Variants in FBRSL1 observed in about 807,000 individuals in gnomAD.
The protein encoded by FBRSL1 is fibrosin-1-like protein.
FBRSL1 carries 51 observed loss-of-function variants against 89.6 expected under a neutral mutation model. That is an observed-to-expected ratio of 0.57 (90% CI 0.45 to 0.72). FBRSL1 has a LOEUF of 0.72. Ranked by LOEUF, FBRSL1 falls within the 30% of genes least tolerant of loss-of-function variation. FBRSL1 has a pLI of 0.00. For synonymous variants in FBRSL1, 779 were observed against 681.1 expected, an observed-to-expected ratio of 1.14 and a Z score of -2.24; for missense variants, 1,618 against 1,451.8, an observed-to-expected ratio of 1.11 and a Z score of -1.86.
At position 132,582,205 on chromosome 12, in the gene FBRSL1, C is replaced by G. The variant is rs377219038; in HGVS notation, c.2140C>G (p.Arg714Gly). Residue 714 changes from arginine (R) to glycine (G), a missense_variant, in exon 18 of 19, where the codon CGG (arginine) becomes GGG (glycine). Transcript: ENST00000680143. The stretch of plus-strand genomic sequence containing the variant: ...GTGGCCCAAGTCCGTGGACGCGGAG[C>G]GGGTGTCAGCCCTGACCAACCATGA... ...PPWPKSVDAE[R>G]VSALTNHDRE... 7 of 1,550,170 alleles carry G rather than the reference C, an allele frequency of 4.5e-6. No individual in the cohort carries two copies. The highest frequency in any genetic ancestry group is 4.9e-5 in the East Asian group (2 of 40,900).
At position 132,583,706 on chromosome 12, in the gene FBRSL1, G is replaced by C; in HGVS notation, c.2937G>C (p.Leu979=). 1 of 1,195,520 alleles carries C rather than the reference G, an allele frequency of 8.4e-7. No homozygotes were observed. 74.1% of individuals were successfully genotyped at this position (1,195,520 alleles called of 1,614,324 possible). A position where few individuals can be genotyped will look rare whatever the true frequency, so the allele number is the denominator to read the frequency against. Reference sequence around the variant, plus strand: ...CGCCGCGGAGCCGGACTACTCCGCTGGGGGGCCTCGGGCCGGGCGAGGCGC... The same window carrying C: ...CGCCGCGGAGCCGGACTACTCCGCTCGGGGGCCTCGGGCCGGGCGAGGCGC... ...PGPPRSRTTP[L]GGLGPGEARD... is the part of the protein sequence containing the mutation. The change falls in exon 19 of 19, where the codon CTG becomes CTC. Residue 979 remains leucine (L), a synonymous_variant. Coordinates refer to ENST00000680143, the MANE Select transcript of FBRSL1 (RefSeq NM_001367871.1).
At chr12:132,534,304 C>T (rs370952656) in intron 4 of FBRSL1, among the ~76,000 whole-genome samples, 3 of 152,226 alleles carry the variant, frequency 2.0e-5, no homozygotes, top group African/African-American at 7.2e-5. Flanking sequence ...GGAGTGTCTG[C>T]GTGTGAGAAC....
intron 1 of FBRSL1, among the ~76,000 whole-genome samples, chr12:132,497,908 C>T (rs1376220410): frequency 6.6e-6 from 1 of 152,214 alleles, no homozygotes; most frequent in African/African-American, 2.4e-5. Context: ...ACGCATGTGC[C>T]TCCCCTAGAG....
chr12:132,554,557 T>TA (rs1410982538), intron 5 of FBRSL1: 2 of 152,398 alleles, frequency 1.3e-5, no homozygotes, highest in Admixed American at 1.3e-4. Context: ...CTCATGCCTG[T>TA]AATCCCAGCA....
intron 1 of FBRSL1, among the ~76,000 whole-genome samples, chr12:132,503,341 G>A (rs1641528875): frequency 6.6e-6 from 1 of 152,256 alleles, no homozygotes; most frequent in African/African-American, 2.4e-5. Context: ...GGCACGACCT[G>A]GAGGCCTCTG....
chr12:132,581,285 C>T (rs765107457), intron 15 of FBRSL1, 154 bp from the exon 16 acceptor site: 1 of 985,320 alleles, frequency 1.0e-6, no homozygotes, highest in Non-Finnish European at 1.2e-6. Context: ...CCACCTCTTA[C>T]TCTGACTGGA....
At position 132,550,106 on chromosome 12, in the gene FBRSL1, A is replaced by T. The variant is rs10747077; in HGVS notation, c.645+2074A>T. 6.0e-5 allele frequency among the ~76,000 whole-genome samples: 9 copies of T among 150,672 alleles called. No individual in the cohort carries two copies. The East Asian group carries it at 1.8e-3, about 30-fold the overall frequency. On this transcript the variant is annotated intron_variant, in intron 5 of 18. Transcript: ENST00000680143. ...GGGAGAGTTTGGCATTCCTGCACAC[A>T]GAGGGTCCCGGCAGGGCGAGTTTGG...
intron 2 of FBRSL1, among the ~76,000 whole-genome samples, chr12:132,523,123 T>A (rs1309790121): frequency 2.0e-5 from 3 of 152,076 alleles, no homozygotes; most frequent in Non-Finnish European, 4.4e-5. Flanking sequence ...CGTGGACTTG[T>A]CATCCAGGGA....
At chr12:132,550,596 G>A (rs958839230) in intron 5 of FBRSL1, 4 of 152,368 alleles carry the variant, frequency 2.6e-5, no homozygotes, top group African/African-American at 9.7e-5. Flanking sequence ...TCTGAGGGGT[G>A]TGTCCCAGGC....
At chr12:132,556,866 C>T (rs1389796508) in intron 5 of FBRSL1, among the ~76,000 whole-genome samples, 1 of 152,018 alleles carries the variant, frequency 6.6e-6, no homozygotes. Flanking sequence ...GCCCCCCAAA[C>T]CCCCGTCCCG....
At chr12:132,547,261 A>T (rs1191476394) in intron 4 of FBRSL1, among the ~76,000 whole-genome samples, 1 of 149,450 alleles carries the variant, frequency 6.7e-6, no homozygotes, top group African/African-American at 2.5e-5. Flanking sequence ...GAGAACGGAC[A>T]GTCAGTGTGT....
At chr12:132,557,219 C>T (rs1279057115) in intron 5 of FBRSL1, among the ~76,000 whole-genome samples, 1 of 152,206 alleles carries the variant, frequency 6.6e-6, no homozygotes, top group Non-Finnish European at 1.5e-5. Flanking sequence ...GAACCGTAAG[C>T]TCTGGATAAA....
At chr12:132,558,644 C>T (rs555611958) in intron 5 of FBRSL1, among the ~76,000 whole-genome samples, 1 of 152,254 alleles carries the variant, frequency 6.6e-6, no homozygotes, top group African/African-American at 2.4e-5. Context: ...CCGTTGGAGG[C>T]ATCCTGCGAA....
intron 2 of FBRSL1, among the ~76,000 whole-genome samples, chr12:132,524,084 C>T (rs879538691): frequency 6.6e-6 from 1 of 152,242 alleles, no homozygotes; most frequent in Admixed American, 6.5e-5. Flanking sequence ...CTCATTGCAC[C>T]GAGGGGCCCT....
At position 132,549,293 on chromosome 12, in the gene FBRSL1, G is replaced by C. The variant is rs183869075; in HGVS notation, c.645+1261G>C. Among the ~76,000 whole-genome samples the C allele has an allele frequency of 2.4e-4, 37 of 152,278 alleles. No individual in the cohort carries two copies. In the East Asian group the frequency reaches 7.2e-3, roughly 30 times the overall value. On this transcript the variant is annotated intron_variant, in intron 5 of 18. Coordinates refer to ENST00000680143, the MANE Select transcript of FBRSL1 (RefSeq NM_001367871.1). ...CTGCCCAACACACCTCTCCTCGCCC[G>C]TCCGCAGATGGACACTGTTGGGGAC... is the stretch of plus-strand genomic sequence containing the variant.
At chr12:132,529,124 G>A (rs981358842) in intron 4 of FBRSL1, among the ~76,000 whole-genome samples, 3 of 152,196 alleles carry the variant, frequency 2.0e-5, no homozygotes, top group Admixed American at 1.3e-4. Context: ...GTGGGAGGGT[G>A]GGGGCCTGGA....
chr12:132,516,972 C>A (rs2034898797), intron 2 of FBRSL1, among the ~76,000 whole-genome samples: 1 of 152,230 alleles, frequency 6.6e-6, no homozygotes, highest in Non-Finnish European at 1.5e-5. Context: ...GATATCGATT[C>A]CTGCTTTTAT....
At chr12:132,565,644 AGT>A (rs1297409747) in intron 5 of FBRSL1, 17 of 152,104 alleles carry the variant, frequency 1.1e-4, no homozygotes, top group Admixed American at 4.6e-4. Context: ...CGTGTACCCG[AGT>A]GTGTGTACGT....
intron 5 of FBRSL1, among the ~76,000 whole-genome samples, chr12:132,564,649 C>CTG (rs2039443466): frequency 8.2e-6 from 1 of 121,886 alleles, no homozygotes; most frequent in Non-Finnish European, 1.6e-5. Flanking sequence ...GCGCCCGCCA[C>CTG]CACGCCCGGC....
Sources: allele counts gnomAD v4.1 joint callset (sites outside exome capture counted in the v4.1 genomes callset), GRCh38; gene constraint gnomAD v4.1.1; transcripts MANE v1.5; gene names NCBI Gene and HGNC (gene_info 2026-07-23, HGNC 2026-07-21).